The following CRELD1 variants were observed in gnomAD, a reference collection of about 807,000 sequenced individuals.
CRELD1 encodes CRELD disulfide isomerase 1, also known as protein disulfide isomerase CRELD1.
Under a neutral mutation model 58.2 loss-of-function variants are expected in CRELD1, and 42 were observed. The observed-to-expected ratio is 0.72, with a 90% confidence interval of 0.56 to 0.93. The LOEUF is 0.93. Ranked by LOEUF, CRELD1 falls within the 40% of genes least tolerant of loss-of-function variation. CRELD1 has a pLI of 0.00. For synonymous variants in CRELD1, 222 were observed against 202.0 expected (o/e 1.10, Z -0.84); for missense variants, 500 against 540.6 (o/e 0.92, Z 0.74).
intron 5 of CRELD1, among the ~76,000 whole-genome samples, chr3:9,939,257 T>C (rs902763744): frequency 1.3e-5 from 2 of 152,170 alleles, no homozygotes; most frequent in African/African-American, 4.8e-5. Flanking sequence ...TGACAAAATA[T>C]TATGTCATTA....
intron 7 of CRELD1, 93 bp downstream of exon 7, chr3:9,941,299 A>G (rs2085359796): frequency 1.8e-6 from 2 of 1,099,308 alleles, no homozygotes; most frequent in African/African-American, 3.1e-5. Context: ...AGACTAGCCT[A>G]GTCTCCACCT....
intron 7 of CRELD1, 58 bp downstream of exon 7, chr3:9,941,264 T>G (rs747351191): frequency 4.8e-5 from 71 of 1,474,118 alleles, no homozygotes; most frequent in Non-Finnish European, 6.6e-5. Context: ...CTTGGTCCTT[T>G]ATTCTCTCAA....
rs1441892921 is a variant in CRELD1, at chr3:9,944,850, G to A, written c.*271G>A. ...GAATTTCAAAAGTTTTTCCTTAATG[G>A]TGGCTGCTAGAGCTTTGGCCCCTGC... On this transcript the variant is annotated 3_prime_UTR_variant, in exon 11 of 11. Transcript: ENST00000452070. 4.1e-6 allele frequency: 2 copies of A among 489,730 alleles called. No individual in the cohort carries two copies. The highest frequency in any genetic ancestry group is 3.7e-6 in the Non-Finnish European group (1 of 266,840). The allele number at this position is 489,730 out of a possible 1,614,324, so 30.3% of individuals were successfully genotyped here.
intron 5 of CRELD1, among the ~76,000 whole-genome samples, chr3:9,940,411 AT>A (rs1376273364): frequency 5.3e-5 from 8 of 152,108 alleles, no homozygotes; most frequent in Admixed American, 2.6e-4. Flanking sequence ...TCCGTCTGCA[AT>A]CCCGGCACCT....
chr3:9,935,895 C>G (rs914472215), intron 3 of CRELD1: 11 of 152,126 alleles, frequency 7.2e-5, no homozygotes, highest in African/African-American at 2.7e-4. Flanking sequence ...GAATTGGAAA[C>G]AGGAATTTGA....
Position 9,937,650 on chromosome 3 carries a change from G to T in CRELD1, c.346G>T (p.Val116Leu). The change falls in exon 4 of 11, where the codon GTG becomes TTG. Residue 116 changes from valine to leucine, a missense_variant. Coordinates refer to ENST00000452070, the MANE Select transcript of CRELD1 (RefSeq NM_001077415.3). ...CCTGCTGGAGCTGAGTGAGGAGCTGGTGGAGAGCTGGTGGTTTCACAAGTG... is the reference window on the plus strand; with the variant it reads ...CCTGCTGGAGCTGAGTGAGGAGCTGTTGGAGAGCTGGTGGTTTCACAAGTG... ...HRLLELSEELVESWWFHKQQE... is the reference protein window; with the variant it reads ...HRLLELSEELLESWWFHKQQE... The T allele has an allele frequency of 6.2e-7, 1 of 1,609,136 alleles. No individual in the cohort carries two copies. Among genetic ancestry groups the T allele is most frequent in the Non-Finnish European group, 8.5e-7 (1 of 1,178,366 alleles).
intron 7 of CRELD1, among the ~76,000 whole-genome samples, chr3:9,941,570 C>T (rs902545766): frequency 2.6e-5 from 4 of 151,918 alleles, no homozygotes; most frequent in African/African-American, 9.7e-5. Context: ...GCGGGCAGAT[C>T]ATGAGATCAG....
At chr3:9,939,085 G>A (rs969949610) in intron 5 of CRELD1, among the ~76,000 whole-genome samples, 1 of 151,714 alleles carries the variant, frequency 6.6e-6, no homozygotes, top group African/African-American at 2.4e-5. Flanking sequence ...GTTCGAAGCT[G>A]CAGTGAGCTA....
chr3:9,943,199 G>A (rs760118784), intron 9 of CRELD1, 27 bp downstream of exon 9: 1 of 1,602,296 alleles, frequency 6.2e-7, no homozygotes, highest in South Asian at 1.1e-5. Context: ...TGGGACACAG[G>A]CACCTGGGAG....
At chr3:9,941,057 G>C in intron 6 of CRELD1, 31 bp downstream of exon 6, 1 of 1,614,186 alleles carries the variant, frequency 6.2e-7, no homozygotes, top group Non-Finnish European at 8.5e-7. Context: ...GCACTGGGCA[G>C]GGGCAGATGG....
Position 9,940,895 on chromosome 3 carries a change from G to GT in CRELD1, c.507dup (p.Glu170Ter). ...AGGCCCTGCGGTGGCTACGGGCAGT[G>GT]TGAAGGAGAAGGGACACGAGGGGGC... On this transcript the variant is annotated frameshift_variant, in exon 6 of 11. Coordinates refer to ENST00000452070, the MANE Select transcript of CRELD1 (RefSeq NM_001077415.3). LOFTEE classifies it high-confidence loss of function. 3 of 1,614,116 alleles carry GT rather than the reference G, an allele frequency of 1.9e-6. No homozygotes were observed. The highest frequency in any genetic ancestry group is 2.5e-6 in the Non-Finnish European group (3 of 1,180,002).
At position 9,944,700 on chromosome 3, in the gene CRELD1, C is replaced by T. The variant is rs1248983937; in HGVS notation, c.*121C>T. 1.0e-6 allele frequency: 1 copy of T among 990,398 alleles called. No homozygotes were observed. Among genetic ancestry groups the T allele is most frequent in the East Asian group, 2.6e-5 (1 of 38,326 alleles). 61.4% of individuals were successfully genotyped at this position (990,398 alleles called of 1,614,324 possible). A position where few individuals can be genotyped will look rare whatever the true frequency, so the allele number is the denominator to read the frequency against. ...TTGAGAGTGGGGTAAGCACCCCTAC[C>T]TGCCTTACAGAGCAGCCCAGGTACC... On this transcript the variant is annotated 3_prime_UTR_variant, in exon 11 of 11. Coordinates refer to ENST00000452070, the MANE Select transcript of CRELD1 (RefSeq NM_001077415.3).
intron 8 of CRELD1, 44 bp downstream of exon 8, chr3:9,942,940 G>A (rs1559338609): frequency 5.2e-6 from 8 of 1,550,770 alleles, no homozygotes; most frequent in Non-Finnish European, 7.1e-6. Flanking sequence ...AGGAGTGGAG[G>A]AAGAGCTGCT....
chr3:9,944,325 G>A lies in CRELD1; in HGVS notation c.1049-40G>A, dbSNP rs568590608. Reference sequence around the variant, plus strand: ...GAGACTCCAAGAACTACCAGGAACAGGGATACGAGTGCCAGGCTGCATCTC... The same window carrying A: ...GAGACTCCAAGAACTACCAGGAACAAGGATACGAGTGCCAGGCTGCATCTC... On this transcript the variant is annotated intron_variant, in intron 10 of 10. Coordinates refer to ENST00000452070, the MANE Select transcript of CRELD1 (RefSeq NM_001077415.3). 124 of 1,553,652 alleles carry A rather than the reference G, an allele frequency of 8.0e-5. 2 individuals carry two copies. The South Asian group carries it at 1.3e-3, about 16-fold the overall frequency.
At chr3:9,942,316 T>A (rs1008009101) in intron 7 of CRELD1, among the ~76,000 whole-genome samples, 2 of 152,214 alleles carry the variant, frequency 1.3e-5, no homozygotes, top group East Asian at 1.9e-4. Context: ...TATTTTTTTT[T>A]ATCATATTAC....
chr3:9,940,877 G>T lies in CRELD1; in HGVS notation c.488G>T (p.Cys163Phe). ...TGTCCTGGGGGAACAGAGAGGCCCT[G>T]CGGTGGCTACGGGCAGTGTGAAGGA... ...LPCPGGTERPCGGYGQCEGEG... is the reference protein window; with the variant it reads ...LPCPGGTERPFGGYGQCEGEG... Residue 163 changes from cysteine (C) to phenylalanine (F), a missense_variant, in exon 6 of 11, where the codon TGC becomes TTC. Cys to Phe is a radical substitution (Grantham distance 205). Transcript: ENST00000452070. The T allele has an allele frequency of 6.2e-7, 1 of 1,613,756 alleles. No homozygotes were observed. The highest frequency in any genetic ancestry group is 1.1e-5 in the South Asian group (1 of 91,040).
Position 9,943,476 on chromosome 3 carries a change from A to C in CRELD1, c.1009A>C (p.Lys337Gln). ...GYRCICAEGY[K>Q]QMEGICVKEQ... ...TCGCTGCATCTGTGCCGAGGGCTAC[A>C]AGCAGATGGAAGGCATCTGTGTGAA... Residue 337 changes from lysine (K) to glutamine (Q), a missense_variant, in exon 10 of 11, where the codon AAG (lysine) becomes CAG (glutamine). Coordinates refer to ENST00000452070, the MANE Select transcript of CRELD1 (RefSeq NM_001077415.3). 2.5e-6 allele frequency: 4 copies of C among 1,614,084 alleles called. No homozygotes were observed. Among genetic ancestry groups the C allele is most frequent in the Non-Finnish European group, 3.4e-6 (4 of 1,180,004 alleles).
chr3:9,942,847 T>C lies in CRELD1; in HGVS notation c.768T>C (p.Cys256=), dbSNP rs2085405403. The stretch of plus-strand genomic sequence containing the variant: ...AGTGTGGCACAGAGGGAGCCAACTG[T>C]GGAGCTGACCAATTCTGCGTGAACA... The part of the protein sequence containing the change: ...IDECGTEGAN[C]GADQFCVNTE... Residue 256 remains cysteine, a synonymous_variant, in exon 8 of 11, where the codon TGT becomes TGC. Coordinates refer to ENST00000452070, the MANE Select transcript of CRELD1 (RefSeq NM_001077415.3). 1.2e-6 allele frequency: 2 copies of C among 1,613,996 alleles called. No homozygotes were observed. Among genetic ancestry groups the C allele is most frequent in the Non-Finnish European group, 1.7e-6 (2 of 1,179,948 alleles).
At chr3:9,937,881 G>A in intron 4 of CRELD1, 134 bp from the exon 5 acceptor site, 1 of 760,964 alleles carries the variant, frequency 1.3e-6, no homozygotes. Context: ...AAAGGGCATT[G>A]GTCAGATGGC....
Sources: allele counts gnomAD v4.1 joint callset (sites outside exome capture counted in the v4.1 genomes callset), GRCh38; gene constraint gnomAD v4.1.1; transcripts MANE v1.5; gene names NCBI Gene and HGNC (gene_info 2026-07-23, HGNC 2026-07-21).